The following DAB1 variants were observed in gnomAD, a reference collection of about 807,000 sequenced individuals.
DAB1 encodes the protein DAB adaptor protein 1, also known as disabled homolog 1.
Under a neutral mutation model 64.6 loss-of-function variants are expected in DAB1, and 15 were observed. The ratio of observed to expected loss-of-function variants is 0.23; its 90% CI spans 0.16 to 0.36. The LOEUF is 0.36. DAB1 is among the 10% of genes least tolerant of loss of function. DAB1 has a pLI of 1.00. For synonymous variants in DAB1, 235 were observed against 251.9 expected, an observed-to-expected ratio of 0.93 and a Z score of 0.64; for missense variants, 596 against 706.7, an observed-to-expected ratio of 0.84 and a Z score of 1.78.
chr1:57,641,341 T>C (rs1194683513), intron 7 of DAB1, among the ~76,000 whole-genome samples: 2 of 150,952 alleles, frequency 1.3e-5, no homozygotes, highest in Non-Finnish European at 3.0e-5. Flanking sequence ...CAATGTTCCC[T>C]GGTGAAACTC....
intron 1 of DAB1, among the ~76,000 whole-genome samples, chr1:57,850,079 G>A (rs764098920): frequency 6.6e-6 from 1 of 152,168 alleles, no homozygotes; most frequent in Non-Finnish European, 1.5e-5. Context: ...GGGAGGGGAG[G>A]AAGTGGAGAC....
intron 7 of DAB1, among the ~76,000 whole-genome samples, chr1:57,550,524 TCTAA>T (rs1360585330): frequency 2.0e-5 from 3 of 149,546 alleles, no homozygotes; most frequent in Admixed American, 2.0e-4. Context: ...ACCCCCCTTC[TCTAA>T]CTAATCAATA....
chr1:57,387,568 A>G (rs1570425761), intron 1 of DAB1: 1 of 152,522 alleles, frequency 6.6e-6, no homozygotes, highest in East Asian at 1.9e-4. Flanking sequence ...TCACGCCTGT[A>G]ATCCCAGCAC....
At chr1:57,207,008 G>GC (rs1386960088) in intron 2 of DAB1, among the ~76,000 whole-genome samples, 1 of 79,940 alleles carries the variant, frequency 1.3e-5, no homozygotes, top group Non-Finnish European at 2.2e-5. Flanking sequence ...CGCTCTTGTT[G>GC]CCCAGGCTGG....
intron 4 of DAB1, among the ~76,000 whole-genome samples, chr1:58,266,327 AGG>A (rs1368376722): frequency 6.6e-6 from 1 of 152,108 alleles, no homozygotes; most frequent in African/African-American, 2.4e-5. Context: ...GATTCTACAC[AGG>A]GCTCAGCAAG....
intron 3 of DAB1, among the ~76,000 whole-genome samples, chr1:58,369,363 A>T (rs1244105181): frequency 6.6e-6 from 1 of 152,216 alleles, no homozygotes; most frequent in African/African-American, 2.4e-5. Flanking sequence ...TGGTTATAAG[A>T]CACATTTTTA....
chr1:58,163,631 G>C (rs1655664810), intron 4 of DAB1, among the ~76,000 whole-genome samples: 1 of 152,140 alleles, frequency 6.6e-6, no homozygotes, highest in South Asian at 2.1e-4. Context: ...GCTCGAAGAG[G>C]GCAGGATGAG....
chr1:57,664,871 TTAAG>T (rs1646428354), intron 6 of DAB1, among the ~76,000 whole-genome samples: 1 of 152,054 alleles, frequency 6.6e-6, no homozygotes, highest in South Asian at 2.1e-4. Context: ...TAAAAAGTAC[TTAAG>T]TATGTAAGAA....
chr1:57,535,870 T>A (rs1221258534), intron 7 of DAB1, among the ~76,000 whole-genome samples: 2 of 152,188 alleles, frequency 1.3e-5, no homozygotes, highest in Admixed American at 1.3e-4. Flanking sequence ...TAAAATGCAA[T>A]CTTATGATGA....
At chr1:57,674,128 G>A (rs1646539035) in intron 6 of DAB1, among the ~76,000 whole-genome samples, 1 of 152,088 alleles carries the variant, frequency 6.6e-6, no homozygotes, top group Admixed American at 6.5e-5. Context: ...GTGTGTGTTG[G>A]GGGTGGAAAA....
intron 7 of DAB1, among the ~76,000 whole-genome samples, chr1:57,491,264 T>A (rs1644160053): frequency 6.6e-6 from 1 of 151,928 alleles, no homozygotes; most frequent in Non-Finnish European, 1.5e-5. Flanking sequence ...CTGTCTCTAC[T>A]AAAAATACAA....
chr1:57,269,443 T>C (rs1173951993), intron 2 of DAB1, among the ~76,000 whole-genome samples: 1 of 152,104 alleles, frequency 6.6e-6, no homozygotes, highest in African/African-American at 2.4e-5. Context: ...ATTCATACTC[T>C]GTGGCTCTCT....
chr1:58,026,566 T>G (rs1464881827), intron 5 of DAB1, among the ~76,000 whole-genome samples: 1 of 152,216 alleles, frequency 6.6e-6, no homozygotes, highest in Admixed American at 6.5e-5. Flanking sequence ...TATTAATGTT[T>G]AACCCAGTGA....
At chr1:57,000,129 G>C (rs1271371177) in intron 14 of DAB1, among the ~76,000 whole-genome samples, 3 of 145,416 alleles carry the variant, frequency 2.1e-5, no homozygotes, top group South Asian at 2.2e-4. Context: ...CTGCAAGCTT[G>C]GCCTCCCAGG....
intron 6 of DAB1, among the ~76,000 whole-genome samples, chr1:57,678,476 C>T (rs1016661376): frequency 2.0e-5 from 3 of 152,104 alleles, no homozygotes; most frequent in African/African-American, 4.8e-5. Flanking sequence ...TCTTTGCTTG[C>T]CTCAATAACT....
chr1:58,316,571 G>A (rs1357617366), intron 4 of DAB1, among the ~76,000 whole-genome samples: 7 of 152,088 alleles, frequency 4.6e-5, no homozygotes, highest in African/African-American at 1.7e-4. Flanking sequence ...GAGAAAAAGA[G>A]GAGTATGGTG....
chr1:58,436,224 G>A (rs1248913611), intron 3 of DAB1, among the ~76,000 whole-genome samples: 3 of 152,258 alleles, frequency 2.0e-5, no homozygotes, highest in African/African-American at 4.8e-5. Flanking sequence ...AGGAAATGAA[G>A]TGGAGTGGCA....
At chr1:58,354,836 CTGT>C (rs1449920924) in intron 3 of DAB1, among the ~76,000 whole-genome samples, 1 of 152,144 alleles carries the variant, frequency 6.6e-6, no homozygotes, top group Non-Finnish European at 1.5e-5. Flanking sequence ...GGTATGGCTG[CTGT>C]TATTTTATGA....
intron 3 of DAB1, among the ~76,000 whole-genome samples, chr1:58,470,773 G>T (rs1370896179): frequency 6.6e-6 from 1 of 152,094 alleles, no homozygotes; most frequent in African/African-American, 2.4e-5. Context: ...CGACCTTCAT[G>T]AATAGCTGTC....
Sources: gnomAD v4.1 joint callset for allele counts (sites outside exome capture counted in the v4.1 genomes callset) on GRCh38, gnomAD v4.1.1 for gene constraint, MANE v1.5 for transcripts, NCBI Gene and HGNC (gene_info 2026-07-23, HGNC 2026-07-21) for gene names.